Variants in ATP8B4 observed in about 807,000 individuals in gnomAD.
ATP8B4 encodes the protein probable phospholipid-transporting ATPase IM.
In ATP8B4, 133 loss-of-function variants were observed where a neutral mutation model predicts 145.6. The observed-to-expected ratio is 0.91, with a 90% confidence interval of 0.79 to 1.05. ATP8B4 has a LOEUF of 1.05. Ranked by LOEUF, ATP8B4 falls within the 50% of genes least tolerant of loss-of-function variation. ATP8B4 has a pLI of 0.00. For missense variants in ATP8B4, 1,458 were observed against 1,425.2 expected, an observed-to-expected ratio of 1.02 and a Z score of -0.37; for synonymous variants, 507 against 492.9, an observed-to-expected ratio of 1.03 and a Z score of -0.38.
At chr15:50,051,686 G>A (rs916053753) in intron 3 of ATP8B4, among the ~76,000 whole-genome samples, 6 of 152,098 alleles carry the variant, frequency 3.9e-5, no homozygotes, top group African/African-American at 1.5e-4. Flanking sequence ...TAAATAAGGA[G>A]CTCACATTCC....
intron 7 of ATP8B4, among the ~76,000 whole-genome samples, chr15:50,004,029 T>C (rs1233682936): frequency 6.6e-6 from 1 of 152,108 alleles, no homozygotes; most frequent in Non-Finnish European, 1.5e-5. Flanking sequence ...ACGCCTACCT[T>C]CCCCACCTCC....
intron 25 of ATP8B4, among the ~76,000 whole-genome samples, chr15:49,873,661 T>C (rs940856189): frequency 2.0e-5 from 3 of 152,178 alleles, no homozygotes; most frequent in Non-Finnish European, 2.9e-5. Flanking sequence ...ATAATAAGAC[T>C]AAAAGGATTT....
chr15:50,113,917 C>T, intron 1 of ATP8B4, among the ~76,000 whole-genome samples: 1 of 147,348 alleles, frequency 6.8e-6, no homozygotes, highest in East Asian at 2.0e-4. Flanking sequence ...TACCGTGCCT[C>T]AACAATAAAT....
chr15:50,060,152 C>A (rs1600131553), intron 3 of ATP8B4, among the ~76,000 whole-genome samples: 2 of 152,230 alleles, frequency 1.3e-5, no homozygotes, highest in African/African-American at 2.4e-5. Flanking sequence ...GATTCCAGAA[C>A]TAAAGAAAAG....
At chr15:49,975,416 T>A (rs974382354) in intron 12 of ATP8B4, among the ~76,000 whole-genome samples, 7 of 152,194 alleles carry the variant, frequency 4.6e-5, no homozygotes, top group African/African-American at 1.7e-4. Context: ...TTTGTATACC[T>A]TAAGTCATCT....
intron 6 of ATP8B4, among the ~76,000 whole-genome samples, chr15:50,027,569 T>TGCTCTCCTCCATGAAGAGCAC (rs2050107713): frequency 6.6e-6 from 1 of 152,218 alleles, no homozygotes; most frequent in Non-Finnish European, 1.5e-5. Flanking sequence ...CCACTGCTGT[T>TGCTCTCCTCCATGAAGAGCAC]TGTGTGCTCT....
At chr15:50,116,487 A>T (rs1328195371) in intron 1 of ATP8B4, among the ~76,000 whole-genome samples, 1 of 152,226 alleles carries the variant, frequency 6.6e-6, no homozygotes, top group African/African-American at 2.4e-5. Flanking sequence ...CCTCTTGATC[A>T]TTGAAAACAT....
intron 1 of ATP8B4, among the ~76,000 whole-genome samples, chr15:50,150,457 A>T (rs1182457070): frequency 6.6e-6 from 1 of 152,208 alleles, no homozygotes; most frequent in Non-Finnish European, 1.5e-5. Flanking sequence ...ATCACTGATC[A>T]ATCAACCTAT....
intron 1 of ATP8B4, among the ~76,000 whole-genome samples, chr15:50,147,117 CTTTAAAACTA>C (rs1567406738): frequency 2.6e-5 from 4 of 152,070 alleles, no homozygotes; most frequent in African/African-American, 9.7e-5. Flanking sequence ...AATTCGAGGT[CTTTAAAACTA>C]TGTATTAGCC....
intron 9 of ATP8B4, among the ~76,000 whole-genome samples, chr15:49,991,910 A>G (rs2047073613): frequency 6.6e-6 from 1 of 152,098 alleles, no homozygotes; most frequent in Non-Finnish European, 1.5e-5. Flanking sequence ...AATTTCATTT[A>G]TTTCCCTAAT....
At chr15:49,987,321 A>G in intron 10 of ATP8B4, 70 bp downstream of exon 10, 1 of 1,533,818 alleles carries the variant, frequency 6.5e-7, no homozygotes, top group South Asian at 1.2e-5. Flanking sequence ...AACACAGAGA[A>G]TCATAGACTG....
chr15:50,149,413 A>G (rs1418301617), intron 1 of ATP8B4, among the ~76,000 whole-genome samples: 1 of 152,208 alleles, frequency 6.6e-6, no homozygotes, highest in Non-Finnish European at 1.5e-5. Flanking sequence ...CTGGTTAAAC[A>G]GTTTATAAGG....
intron 24 of ATP8B4, among the ~76,000 whole-genome samples, chr15:49,877,661 A>G (rs1316988828): frequency 1.3e-5 from 2 of 151,536 alleles, no homozygotes; most frequent in African/African-American, 4.9e-5. Flanking sequence ...CTGGTGTGTT[A>G]TCTTAAACCT....
chr15:50,053,599 T>A (rs1278561109), intron 3 of ATP8B4, among the ~76,000 whole-genome samples: 1 of 152,224 alleles, frequency 6.6e-6, no homozygotes, highest in Non-Finnish European at 1.5e-5. Context: ...ATGATTCTCT[T>A]GGCCCCTAAC....
At chr15:50,022,225 T>C (rs982741716) in intron 6 of ATP8B4, among the ~76,000 whole-genome samples, 7 of 152,330 alleles carry the variant, frequency 4.6e-5, no homozygotes, top group African/African-American at 1.7e-4. Context: ...TCTGAGTTTT[T>C]CACATTTTTA....
chr15:49,903,031 A>G (rs145475369), intron 20 of ATP8B4, among the ~76,000 whole-genome samples: 1 of 152,270 alleles, frequency 6.6e-6, no homozygotes, highest in East Asian at 1.9e-4. Context: ...CTGTCTTCCT[A>G]ACATCTCACA....
intron 6 of ATP8B4, among the ~76,000 whole-genome samples, chr15:50,037,700 A>C (rs1425909664): frequency 6.6e-6 from 1 of 152,166 alleles, no homozygotes; most frequent in Non-Finnish European, 1.5e-5. Flanking sequence ...GGGTCCAGGC[A>C]CCTTTATGGC....
At chr15:50,057,445 A>C (rs1028265477) in intron 3 of ATP8B4, among the ~76,000 whole-genome samples, 2 of 152,218 alleles carry the variant, frequency 1.3e-5, no homozygotes, top group Admixed American at 1.3e-4. Flanking sequence ...GGAAGTCTCT[A>C]GACTGCCTTT....
intron 7 of ATP8B4, among the ~76,000 whole-genome samples, 164 bp downstream of exon 7, chr15:50,010,678 AAAT>A (rs1283714946): frequency 6.6e-6 from 1 of 152,122 alleles, no homozygotes; most frequent in African/African-American, 2.4e-5. Flanking sequence ...TGAAACTAAT[AAAT>A]CAACGTCTTT....
Sources: gnomAD v4.1 joint callset for allele counts (sites outside exome capture counted in the v4.1 genomes callset) on GRCh38, gnomAD v4.1.1 for gene constraint, MANE v1.5 for transcripts, NCBI Gene and HGNC (gene_info 2026-07-23, HGNC 2026-07-21) for gene names.